The following DPP6 variants were observed in gnomAD, a reference collection of about 807,000 sequenced individuals.
DPP6 encodes the protein dipeptidyl peptidase like 6.
In DPP6, 69 loss-of-function variants were observed where a neutral mutation model predicts 122.6. The observed-to-expected ratio is 0.56, with a 90% confidence interval of 0.46 to 0.69. The LOEUF (loss-of-function observed/expected upper bound fraction) is 0.69. Ranked by LOEUF, DPP6 falls within the 30% of genes least tolerant of loss-of-function variation. The probability of loss-of-function intolerance (pLI) is 0.00; values close to 1 mark genes in which losing one functional copy is unlikely to be tolerated. For synonymous variants in DPP6, 418 were observed against 433.1 expected (o/e 0.97, Z 0.43); for missense variants, 928 against 1,116.9 (o/e 0.83, Z 2.41).
In DPP6 at chr7:154,807,022, C is replaced by A. The variant is rs182225736; in HGVS notation, c.1576C>A (p.Gln526Lys). Reference protein sequence around the residue: ...SANTVGNFNRQCLSCDLVENC... With the variant: ...SANTVGNFNRKCLSCDLVENC... ...CAACACGGTGGGCAACTTCAACAGG[C>A]AGTGCCTCTCCTGTGACCTGGTTGA... The change falls in exon 16 of 26, where the codon CAG becomes AAG. Residue 526 changes from glutamine (Q) to lysine (K), a missense_variant. Gln to Lys is a moderately conservative substitution (Grantham distance 53). Transcript: ENST00000377770. The A allele has an allele frequency of 1.3e-5, 21 of 1,613,874 alleles. No individual in the cohort carries two copies. The East Asian group carries it at 4.0e-4, about 31-fold the overall frequency.
intron 1 of DPP6, among the ~76,000 whole-genome samples, chr7:154,235,916 A>C (rs1359348027): frequency 1.3e-5 from 2 of 152,120 alleles, no homozygotes; most frequent in East Asian, 3.9e-4. Flanking sequence ...GCGGTGGTGC[A>C]ATCTTGGCTC....
intron 6 of DPP6, among the ~76,000 whole-genome samples, chr7:154,640,228 A>G (rs912126343): frequency 1.3e-5 from 2 of 149,066 alleles, no homozygotes; most frequent in African/African-American, 2.5e-5. Context: ...ACTCCAGCCT[A>G]GGTGACAGAG....
chr7:154,500,362 T>A (rs11761174), intron 3 of DPP6, among the ~76,000 whole-genome samples: 20,116 of 152,156 alleles, frequency 0.13, 1,543 homozygotes, highest in East Asian at 0.38. Flanking sequence ...TACATCCCAG[T>A]TGGCACCATT....
intron 7 of DPP6, among the ~76,000 whole-genome samples, chr7:154,714,626 C>G (rs1233485986): frequency 6.6e-6 from 1 of 152,012 alleles, no homozygotes; most frequent in Non-Finnish European, 1.5e-5. Flanking sequence ...GGAAACTGCC[C>G]CATGATTCAA....
chr7:154,687,093 C>T (rs894971007), intron 7 of DPP6, among the ~76,000 whole-genome samples: 3 of 76 alleles, frequency 0.039, no homozygotes, highest in Non-Finnish European at 0.071. Flanking sequence ...GTTACATCAA[C>T]ATAGTATAGA....
the DPP6 span, among the ~76,000 whole-genome samples, chr7:153,839,558 G>T: frequency 6.6e-6 from 1 of 152,260 alleles, no homozygotes; most frequent in African/African-American, 2.4e-5. Flanking sequence ...GTAGGGAGAA[G>T]TCCCACTGGG....
At chr7:154,218,979 A>T (rs921900521) in intron 1 of DPP6, among the ~76,000 whole-genome samples, 2 of 150,798 alleles carry the variant, frequency 1.3e-5, no homozygotes, top group Non-Finnish European at 2.9e-5. Context: ...TTGAAGATAT[A>T]TATACACACA....
chr7:154,136,511 G>A (rs145307266), intron 1 of DPP6, among the ~76,000 whole-genome samples: 10 of 152,246 alleles, frequency 6.6e-5, no homozygotes, highest in East Asian at 1.9e-4. Context: ...CATTTAGTCC[G>A]GTAAGCCGTA....
chr7:154,590,012 T>C (rs528914168), intron 5 of DPP6, among the ~76,000 whole-genome samples: 1 of 152,344 alleles, frequency 6.6e-6, no homozygotes, highest in Admixed American at 6.5e-5. Flanking sequence ...TTTGGTTTTA[T>C]GACTGTGGAT....
the DPP6 span, among the ~76,000 whole-genome samples, chr7:153,875,402 A>G: frequency 6.6e-6 from 1 of 152,154 alleles, no homozygotes; most frequent in African/African-American, 2.4e-5. Context: ...AAAATAGATG[A>G]CTTAAGAAGA....
chr7:154,865,113 C>G (rs541535561), intron 17 of DPP6, among the ~76,000 whole-genome samples: 1 of 152,340 alleles, frequency 6.6e-6, no homozygotes, highest in South Asian at 2.1e-4. Flanking sequence ...GCCATCCAGA[C>G]AGGCTCTTGC....
chr7:154,790,960 A>C (rs1184322125), intron 10 of DPP6, among the ~76,000 whole-genome samples: 2 of 152,122 alleles, frequency 1.3e-5, no homozygotes, highest in Admixed American at 1.3e-4. Context: ...GCTAATAAAC[A>C]CATACTTGAG....
chr7:154,656,097 C>T (rs1490184895), intron 6 of DPP6, among the ~76,000 whole-genome samples: 2 of 150,600 alleles, frequency 1.3e-5, no homozygotes, highest in African/African-American at 4.9e-5. Flanking sequence ...AGCGGGGCTG[C>T]GGTCACGCCC....
intron 1 of DPP6, among the ~76,000 whole-genome samples, chr7:154,326,652 T>C (rs1394834338): frequency 1.3e-5 from 2 of 152,242 alleles, no homozygotes; most frequent in South Asian, 2.1e-4. Context: ...AGAAACACTT[T>C]AAAACATTTG....
At chr7:154,874,445 G>A (rs56380317) in intron 19 of DPP6, among the ~76,000 whole-genome samples, 28,051 of 152,178 alleles carry the variant, frequency 0.18, 3,401 homozygotes, top group Non-Finnish European at 0.27. Flanking sequence ...CTTGGAGGCT[G>A]TGTCTTTTTG....
At chr7:154,066,017 TATC>T (rs1802696523) in intron 1 of DPP6, among the ~76,000 whole-genome samples, 1 of 151,836 alleles carries the variant, frequency 6.6e-6, no homozygotes, top group African/African-American at 2.4e-5. Flanking sequence ...ACTACTGAAA[TATC>T]AGCCACGGCT....
At chr7:153,758,672 GAGATTTATTC>G in the DPP6 span, among the ~76,000 whole-genome samples, 1 of 148,548 alleles carries the variant, frequency 6.7e-6, no homozygotes, top group African/African-American at 2.6e-5. Context: ...TAATTATGTT[GAGATTTATTC>G]ATGTTGCAGC....
intron 16 of DPP6, among the ~76,000 whole-genome samples, chr7:154,822,951 G>A (rs1490633556): frequency 6.6e-6 from 1 of 152,206 alleles, no homozygotes; most frequent in East Asian, 1.9e-4. Context: ...CTGTGGCATA[G>A]TGTCCTCCAT....
At chr7:153,853,676 C>G in the DPP6 span, among the ~76,000 whole-genome samples, 3 of 152,234 alleles carry the variant, frequency 2.0e-5, no homozygotes, top group South Asian at 6.2e-4. Context: ...GAAAGGAACT[C>G]CTGGATCTAT....
Sources: allele counts gnomAD v4.1 joint callset (sites outside exome capture counted in the v4.1 genomes callset), GRCh38; gene constraint gnomAD v4.1.1; transcripts MANE v1.5; gene names NCBI Gene and HGNC (gene_info 2026-07-23, HGNC 2026-07-21).